Variants in ZNF365 observed in about 807,000 individuals in gnomAD.
ZNF365 encodes protein ZNF365.
ZNF365 carries 22 observed loss-of-function variants against 35.0 expected under a neutral mutation model. The ratio of observed to expected loss-of-function variants is 0.63; its 90% CI spans 0.45 to 0.90. ZNF365 has a LOEUF of 0.90. Among genes scored for constraint, ZNF365 ranks in the 40% least tolerant of loss-of-function variants. The pLI, the probability that ZNF365 is intolerant of heterozygous loss-of-function variation, is 0.00. For synonymous variants in ZNF365, 188 were observed against 196.2 expected (o/e 0.96, Z 0.35); for missense variants, 448 against 500.3 (o/e 0.90, Z 1.00).
chr10:62,458,868 G>T (rs980425274), intron 3 of ZNF365, among the ~76,000 whole-genome samples: 16 of 152,178 alleles, frequency 1.1e-4, no homozygotes, highest in Non-Finnish European at 1.0e-4. Flanking sequence ...CTATATTTTG[G>T]TTTTTTGTTG....
intron 3 of ZNF365, among the ~76,000 whole-genome samples, chr10:62,418,641 A>G (rs1214381292): frequency 1.3e-5 from 2 of 152,110 alleles, no homozygotes; most frequent in Non-Finnish European, 2.9e-5. Flanking sequence ...ATTAGGCAGT[A>G]TGAAAATACG....
At chr10:62,422,782 T>C (rs1564583614) in intron 3 of ZNF365, among the ~76,000 whole-genome samples, 1 of 152,112 alleles carries the variant, frequency 6.6e-6, no homozygotes, top group Non-Finnish European at 1.5e-5. Flanking sequence ...AACCTTACAA[T>C]TGGGTGTTCG....
chr10:62,388,633 G>T, intron 3 of ZNF365, 57 bp downstream of exon 3: 1 of 1,590,580 alleles, frequency 6.3e-7, no homozygotes, highest in Admixed American at 1.7e-5. Context: ...GTGAGAATGG[G>T]CTGAGGACAG....
At chr10:62,399,209 G>A (rs1301838751) in intron 4 of ZNF365, among the ~76,000 whole-genome samples, 1 of 152,098 alleles carries the variant, frequency 6.6e-6, no homozygotes, top group Non-Finnish European at 1.5e-5. Context: ...AGAGACATGA[G>A]TTCTGGTCCC....
At chr10:62,458,652 A>T (rs1840799251) in intron 3 of ZNF365, among the ~76,000 whole-genome samples, 1 of 152,178 alleles carries the variant, frequency 6.6e-6, no homozygotes, top group Non-Finnish European at 1.5e-5. Context: ...GCTGTTTCTT[A>T]AAACCACTTG....
At chr10:62,405,844 C>A (rs535685273), downstream of ZNF365, among the ~76,000 whole-genome samples, 19 of 152,316 alleles carry the variant, frequency 1.2e-4, no homozygotes, top group East Asian at 1.7e-3. Context: ...ATATCTCAAC[C>A]TCTCCTCTTT....
At chr10:62,406,042 A>G (rs1316235488), downstream of ZNF365, among the ~76,000 whole-genome samples, 1 of 152,204 alleles carries the variant, frequency 6.6e-6, no homozygotes, top group Non-Finnish European at 1.5e-5. Flanking sequence ...AGGAGCTTAG[A>G]GTGGGTAAGG....
At chr10:62,379,115 T>C (rs1839386932) in intron 2 of ZNF365, among the ~76,000 whole-genome samples, 1 of 150,900 alleles carries the variant, frequency 6.6e-6, no homozygotes, top group Non-Finnish European at 1.5e-5. Flanking sequence ...CTCTGCCTCC[T>C]GGGTTCAAGC....
intron 3 of ZNF365, among the ~76,000 whole-genome samples, chr10:62,391,258 G>A (rs1048997859): frequency 6.6e-6 from 1 of 151,630 alleles, no homozygotes; most frequent in African/African-American, 2.4e-5. Context: ...TTGGTTTTGG[G>A]GGAACAGGTG....
chr10:62,475,243 T>C (rs1255558569), intron 4 of ZNF365, among the ~76,000 whole-genome samples: 1 of 152,148 alleles, frequency 6.6e-6, no homozygotes, highest in Non-Finnish European at 1.5e-5. Flanking sequence ...AGCCTTGTAA[T>C]TGGGATGACT....
exon 5 of ZNF365, chr10:62,480,225 T>G: frequency 1.9e-6 from 2 of 1,053,622 alleles, no homozygotes; most frequent in Non-Finnish European, 2.3e-6. Context: ...AGAGTCATAT[T>G]CTATTTAGCT....
intron 4 of ZNF365, among the ~76,000 whole-genome samples, chr10:62,460,136 T>G (rs1840823913): frequency 6.6e-6 from 1 of 152,128 alleles, no homozygotes; most frequent in South Asian, 2.1e-4. Flanking sequence ...GGGAGGTAAG[T>G]GGTGATGGCA....
rs372322586 is a variant in ZNF365, at chr10:62,407,510, C to T, written c.924+18934C>T. 3.4e-4 allele frequency among the ~76,000 whole-genome samples: 51 copies of T among 152,078 alleles called. 1 individual carries two copies. The South Asian group carries it at 0.01, about 30-fold the overall frequency. The stretch of plus-strand genomic sequence containing the variant: ...TCTTAGGAAAACTTTTGACTTTTGA[C>T]CCTCACTGTCCCTGATCCCCTTAAA... On this transcript the variant is annotated intron_variant, in intron 3 of 4. Coordinates refer to the ZNF365 transcript ENST00000395255.
At position 62,434,278 on chromosome 10, in the gene ZNF365, A is replaced by AT. The variant is rs917367492; in HGVS notation, c.925-25453dup. ...GTGGTGCTTCAACACAGCAAACCTT[A>AT]TTTTTTTTTTCTCCCTGTAAATTGG... On this transcript the variant is annotated intron_variant, in intron 3 of 4. Transcript: ENST00000395255. 2.5e-3 allele frequency among the ~76,000 whole-genome samples: 375 copies of AT among 150,282 alleles called. 5 individuals carry two copies. The highest frequency in any genetic ancestry group is 8.3e-3 in the African/African-American group (341 of 40,996).
chr10:62,427,011 T>C (rs1048725925), intron 3 of ZNF365, among the ~76,000 whole-genome samples: 3 of 152,196 alleles, frequency 2.0e-5, no homozygotes, highest in Non-Finnish European at 4.4e-5. Flanking sequence ...GGACCACATA[T>C]ATGACAATGG....
chr10:62,422,609 A>G (rs1840188450), intron 3 of ZNF365, among the ~76,000 whole-genome samples: 1 of 152,174 alleles, frequency 6.6e-6, no homozygotes, highest in African/African-American at 2.4e-5. Flanking sequence ...TAGGAGAAAC[A>G]GTGCAGATAC....
chr10:62,415,959 A>G (rs1840066689), intron 3 of ZNF365, among the ~76,000 whole-genome samples: 1 of 152,100 alleles, frequency 6.6e-6, no homozygotes, highest in Non-Finnish European at 1.5e-5. Flanking sequence ...TGTTTTTGAG[A>G]GTTAATCTAT....
downstream of ZNF365, among the ~76,000 whole-genome samples, chr10:62,406,117 T>G (rs992397007): frequency 2.6e-5 from 4 of 152,154 alleles, no homozygotes; most frequent in African/African-American, 9.7e-5. Context: ...TTGCCCCGCA[T>G]GCCCTGGCTC....
At chr10:62,458,998 C>T (rs1306348068) in intron 3 of ZNF365, among the ~76,000 whole-genome samples, 1 of 152,108 alleles carries the variant, frequency 6.6e-6, no homozygotes, top group African/African-American at 2.4e-5. Context: ...GGGTAAATGA[C>T]CCATGAAAGA....
Sources: allele counts gnomAD v4.1 joint callset (sites outside exome capture counted in the v4.1 genomes callset), GRCh38; gene constraint gnomAD v4.1.1; transcripts MANE v1.5; gene names NCBI Gene and HGNC (gene_info 2026-07-23, HGNC 2026-07-21).